The following CERS4 variants were observed in gnomAD, a reference collection of about 807,000 sequenced individuals.
CERS4 encodes ceramide synthase 4, also known as LAG1 homolog, ceramide synthase 4.
Under a neutral mutation model 51.8 loss-of-function variants are expected in CERS4, and 65 were observed. That is an observed-to-expected ratio of 1.26 (90% CI 1.03 to 1.54). The LOEUF (loss-of-function observed/expected upper bound fraction) is 1.54, where lower values mean the gene tolerates loss of function less well. Among genes scored for constraint, CERS4 ranks in the 40% most tolerant of loss-of-function variants. CERS4 has a pLI of 0.00. For synonymous variants in CERS4, 228 were observed against 208.4 expected (o/e 1.09, Z -0.81); for missense variants, 563 against 500.4 (o/e 1.13, Z -1.19).
intron 2 of CERS4, among the ~76,000 whole-genome samples, chr19:8,216,430 C>T (rs910108483): frequency 6.6e-6 from 1 of 151,170 alleles, no homozygotes; most frequent in African/African-American, 2.4e-5. Flanking sequence ...ACTCCTCATT[C>T]CTTTTCCTGC....
chr19:8,252,496 T>C (rs1969140895), intron 3 of CERS4, among the ~76,000 whole-genome samples: 1 of 151,256 alleles, frequency 6.6e-6, no homozygotes, highest in African/African-American at 2.4e-5. Flanking sequence ...TGGAGTACAG[T>C]GGCACAATCT....
intron 2 of CERS4, among the ~76,000 whole-genome samples, chr19:8,238,297 G>A (rs988021358): frequency 5.3e-4 from 80 of 152,070 alleles, no homozygotes; most frequent in Non-Finnish European, 1.5e-4. Context: ...GCAGGGAGGG[G>A]TATTGGCTGG....
intron 2 of CERS4, among the ~76,000 whole-genome samples, chr19:8,245,900 G>GAAAAA (rs1308641842): frequency 2.3e-4 from 3 of 13,116 alleles, no homozygotes; most frequent in Non-Finnish European, 5.2e-4. Context: ...AAGCTTTGAT[G>GAAAAA]ACAAAAAAAA....
intron 10 of CERS4, among the ~76,000 whole-genome samples, chr19:8,260,302 CT>C (rs1201331279): frequency 1.7e-4 from 17 of 100,814 alleles, no homozygotes; most frequent in Non-Finnish European, 2.6e-4. Flanking sequence ...TCAAGCAATT[CT>C]CCTGCCTCAG....
chr19:8,256,069 G>A, intron 6 of CERS4, 167 bp from the exon 7 acceptor site: 2 of 945,370 alleles, frequency 2.1e-6, no homozygotes, highest in Non-Finnish European at 3.2e-6. Flanking sequence ...AAAAGTTGGG[G>A]TTCTGCAGTG....
intron 2 of CERS4, among the ~76,000 whole-genome samples, chr19:8,222,810 T>C (rs1010703350): frequency 2.0e-5 from 3 of 152,010 alleles, no homozygotes; most frequent in African/African-American, 7.2e-5. Context: ...CACGAGCCTT[T>C]TGAAGGAGAG....
intron 10 of CERS4, chr19:8,261,191 G>T (rs113469069): frequency 0.024 from 3,651 of 153,124 alleles, 117 homozygotes; most frequent in African/African-American, 0.077. Context: ...CCCGGGAGAT[G>T]AGGCCCCACC....
chr19:8,238,478 A>C, intron 2 of CERS4: 1 of 983,116 alleles, frequency 1.0e-6, no homozygotes, highest in Non-Finnish European at 1.2e-6. Flanking sequence ...TGGTCTTGGG[A>C]ATCATACCAT....
intron 11 of CERS4, 35 bp downstream of exon 11, chr19:8,261,879 A>T (rs1599606343): frequency 6.2e-7 from 1 of 1,613,596 alleles, no homozygotes; most frequent in East Asian, 2.2e-5. Context: ...CCCAGCCCTA[A>T]GCTCCTCCTT....
intron 9 of CERS4, 126 bp downstream of exon 9, chr19:8,257,203 G>A (rs758699167): frequency 5.4e-5 from 54 of 994,182 alleles, no homozygotes; most frequent in Middle Eastern, 3.3e-4. Context: ...TGTCTTTCTC[G>A]GGTGATGAGG....
chr19:8,251,379 G>C, intron 3 of CERS4, 130 bp downstream of exon 3: 1 of 1,404,858 alleles, frequency 7.1e-7, no homozygotes, highest in African/African-American at 1.5e-5. Context: ...GCGTTCCCTG[G>C]CTCCAGCCTG....
In CERS4 at chr19:8,262,278, C is replaced by G; in HGVS notation, c.*169C>G. 1.6e-6 allele frequency: 1 copy of G among 609,858 alleles called. No homozygotes were observed. Among genetic ancestry groups the G allele is most frequent in the East Asian group, 3.2e-5 (1 of 31,196 alleles). The allele number at this position is 609,858 out of a possible 1,614,324, so 37.8% of individuals were successfully genotyped here. On this transcript the variant is annotated 3_prime_UTR_variant, in exon 12 of 12. Transcript: ENST00000251363. ...CCAGCCCCTTCCTTCTGCCCACCCA[C>G]CCTTCTTCCCTCTGGGCAACTGGAC...
rs141592194 is a variant in CERS4 at position 8,261,788 on chromosome 19, G to A, written c.949G>A (p.Val317Met). Residue 317 changes from valine to methionine, a missense_variant, in exon 11 of 12, where the codon GTG becomes ATG. Transcript: ENST00000251363. ...TCTGATGTTGCTGCAGCTGCTGCACGTGTTCTGGTCTTGCCTCATTCTGCG... is the reference window on the plus strand; with the variant it reads ...TCTGATGTTGCTGCAGCTGCTGCACATGTTCTGGTCTTGCCTCATTCTGCG... ...GLLMLLQLLH[V>M]FWSCLILRML... The A allele has an allele frequency of 6.8e-4, 1,090 of 1,614,178 alleles. 1 individual carries two copies. The highest frequency in any genetic ancestry group is 8.0e-4 in the Non-Finnish European group (941 of 1,180,026).
intron 2 of CERS4, among the ~76,000 whole-genome samples, chr19:8,240,217 T>G (rs1390116469): frequency 6.6e-6 from 1 of 150,914 alleles, no homozygotes; most frequent in Non-Finnish European, 1.5e-5. Flanking sequence ...GAGGCAGAGG[T>G]GGGGAGGCAG....
rs1967052759 is a variant in CERS4 at position 8,210,780 on chromosome 19, C to A, written c.-84C>A. 6.6e-6 allele frequency: 1 copy of A among 152,216 alleles called. No homozygotes were observed. 9.4% of individuals were successfully genotyped at this position (152,216 alleles called of 1,614,324 possible). A position where few individuals can be genotyped will look rare whatever the true frequency, so the allele number is the denominator to read the frequency against. On this transcript the variant is annotated 5_prime_UTR_variant, in exon 2 of 12. Transcript: ENST00000251363. This position sits in a 1 kb window ranked among gnomAD's most constrained non-coding sequence, Gnocchi z 4.2. ...AAGCCTCATTCAGTGCACCTGGGCCCCAGCAGGCCCAGCCAGGCGTGGAGG... is the reference window on the plus strand; with the variant it reads ...AAGCCTCATTCAGTGCACCTGGGCCACAGCAGGCCCAGCCAGGCGTGGAGG...
At chr19:8,259,930 A>G (rs1327412910) in intron 10 of CERS4, among the ~76,000 whole-genome samples, 1 of 152,060 alleles carries the variant, frequency 6.6e-6, no homozygotes, top group Non-Finnish European at 1.5e-5. Context: ...TGAGAGTCAG[A>G]TTACATCCCT....
At chr19:8,231,094 G>T (rs2967628) in intron 2 of CERS4, among the ~76,000 whole-genome samples, 1 of 152,228 alleles carries the variant, frequency 6.6e-6, no homozygotes, top group Non-Finnish European at 1.5e-5. Context: ...CCACCTTGGC[G>T]TCTCAAAGTG....
chr19:8,260,973 A>C (rs1450971049), intron 10 of CERS4: 1 of 150,804 alleles, frequency 6.6e-6, no homozygotes, highest in Non-Finnish European at 1.5e-5. Context: ...AAAAAAAAAA[A>C]AAAACAAGAA....
rs1179100185 is a variant in CERS4, at chr19:8,210,450, G to C, written c.-158-256G>C. Among the ~76,000 whole-genome samples the C allele has an allele frequency of 6.6e-6, 1 of 152,080 alleles. No homozygotes were observed. The highest frequency in any genetic ancestry group is 2.1e-4 in the South Asian group (1 of 4,824). The stretch of plus-strand genomic sequence containing the variant: ...TTCATTGCTGGGTTGGGAGACTTGA[G>C]GAGAAGCTGCTCTGGGGGACACAGG... On this transcript the variant is annotated intron_variant, in intron 1 of 11. Coordinates refer to ENST00000251363, the MANE Select transcript of CERS4 (RefSeq NM_024552.3). This position sits in a 1 kb window ranked among gnomAD's most constrained non-coding sequence, Gnocchi z 4.2.
Sources: allele counts gnomAD v4.1 joint callset (sites outside exome capture counted in the v4.1 genomes callset), GRCh38; gene constraint gnomAD v4.1.1; non-coding constraint Gnocchi (gnomAD v3.1); transcripts MANE v1.5; gene names NCBI Gene and HGNC (gene_info 2026-07-23, HGNC 2026-07-21).